Variants in CEP128 observed in about 807,000 individuals in gnomAD.
The protein encoded by CEP128 is centrosomal protein 128.
CEP128 carries 132 observed loss-of-function variants against 156.7 expected under a neutral mutation model. The ratio of observed to expected loss-of-function variants is 0.84; its 90% CI spans 0.73 to 0.97. The LOEUF is 0.97. CEP128 is among the 50% of genes least tolerant of loss of function. The pLI, the probability that CEP128 is intolerant of heterozygous loss-of-function variation, is 0.00. For missense variants in CEP128, 1,252 were observed against 1,281.9 expected (o/e 0.98, Z 0.36); for synonymous variants, 469 against 448.9 (o/e 1.04, Z -0.57).
chr14:80,949,813 G>A (rs1886423926), intron 2 of CEP128, among the ~76,000 whole-genome samples: 5 of 151,986 alleles, frequency 3.3e-5, no homozygotes, highest in African/African-American at 1.2e-4. Context: ...AAATTATCAG[G>A]CATACAAAGA....
At chr14:80,790,244 C>A (rs1162195931) in intron 14 of CEP128, among the ~76,000 whole-genome samples, 1 of 151,562 alleles carries the variant, frequency 6.6e-6, no homozygotes, top group Non-Finnish European at 1.5e-5. Flanking sequence ...ACAACAACAA[C>A]AACAAAAATC....
chr14:80,875,752 G>A (rs1450862484), intron 8 of CEP128, among the ~76,000 whole-genome samples: 1 of 152,106 alleles, frequency 6.6e-6, no homozygotes, highest in Non-Finnish European at 1.5e-5. Context: ...TTCTAGATGG[G>A]ATACTTTCAG....
At chr14:80,659,867 A>C (rs1187235619) in intron 19 of CEP128, among the ~76,000 whole-genome samples, 1 of 152,114 alleles carries the variant, frequency 6.6e-6, no homozygotes, top group African/African-American at 2.4e-5. Context: ...CAATTTCTCA[A>C]TTATCATGAC....
chr14:80,941,767 A>C (rs190341003), upstream of CEP128: 465 of 152,670 alleles, frequency 3.0e-3, 3 homozygotes, highest in Middle Eastern at 6.8e-3. Context: ...AGAGTACAGG[A>C]CCCCGCTGCC....
At chr14:80,886,290 A>T (rs192459370) in intron 8 of CEP128, among the ~76,000 whole-genome samples, 1 of 152,276 alleles carries the variant, frequency 6.6e-6, no homozygotes, top group East Asian at 1.9e-4. Flanking sequence ...CACCACTAAG[A>T]TACTCCTCGA....
intron 13 of CEP128, among the ~76,000 whole-genome samples, chr14:80,795,646 C>T (rs1883421538): frequency 6.6e-6 from 1 of 152,088 alleles, no homozygotes; most frequent in South Asian, 2.1e-4. Context: ...CTTCCACATG[C>T]CTCAACCCAG....
chr14:80,666,413 T>G (rs1342071261), intron 19 of CEP128, among the ~76,000 whole-genome samples: 2 of 152,036 alleles, frequency 1.3e-5, no homozygotes, highest in African/African-American at 4.8e-5. Context: ...CTTTAAGAAG[T>G]AGGAAAGGAC....
intron 8 of CEP128, among the ~76,000 whole-genome samples, chr14:80,886,667 G>A (rs764264610): frequency 1.3e-5 from 2 of 152,188 alleles, no homozygotes; most frequent in African/African-American, 4.8e-5. Context: ...ACCAGCCACT[G>A]CAAAAACATA....
rs1174988133 is a variant in CEP128, at chr14:80,792,883, C to T, written c.1437G>A (p.Arg479=). 9 of 1,614,058 alleles carry T rather than the reference C, an allele frequency of 5.6e-6. No homozygotes were observed. The highest frequency in any genetic ancestry group is 1.3e-5 in the African/African-American group (1 of 74,924). Residue 479 remains arginine (R), a synonymous_variant, in exon 14 of 25, where the codon AGG becomes AGA. Coordinates refer to ENST00000555265, the MANE Select transcript of CEP128 (RefSeq NM_152446.5). Reference sequence around the variant, plus strand: ...CTTGAGCTTTCAGTTTCAGGTCTTCCCTCCTCTTCTCCGCCTCCTCTTTCA... The same window carrying T: ...CTTGAGCTTTCAGTTTCAGGTCTTCTCTCCTCTTCTCCGCCTCCTCTTTCA... ...EALKEEAEKR[R]EDLKLKAQES...
chr14:80,481,190 C>G (rs1350831701), intron 14 of CEP128, among the ~76,000 whole-genome samples: 2 of 152,246 alleles, frequency 1.3e-5, no homozygotes, highest in African/African-American at 4.8e-5. Context: ...AGAGGTTTAA[C>G]TGGACTTACA....
intron 19 of CEP128, among the ~76,000 whole-genome samples, chr14:80,738,690 T>C (rs1898657996): frequency 6.6e-6 from 1 of 152,112 alleles, no homozygotes; most frequent in Non-Finnish European, 1.5e-5. Context: ...ATTGTTATAA[T>C]TGTTCTATTT....
intron 15 of CEP128, 120 bp downstream of exon 15, chr14:80,784,775 T>C (rs1379136279): frequency 1.1e-6 from 1 of 916,732 alleles, no homozygotes; most frequent in African/African-American, 1.7e-5. Flanking sequence ...TTATTGTTGG[T>C]TTTATCTTCC....
At chr14:80,926,794 AC>A (rs527590528) in intron 2 of CEP128, among the ~76,000 whole-genome samples, 177 of 152,244 alleles carry the variant, frequency 1.2e-3, no homozygotes, top group Non-Finnish European at 2.2e-3. Context: ...GAAGGAGAAA[AC>A]TTTTTGCATG....
chr14:80,580,842 C>G (rs1441686942), intron 19 of CEP128, among the ~76,000 whole-genome samples: 2 of 152,134 alleles, frequency 1.3e-5, no homozygotes, highest in South Asian at 4.1e-4. Context: ...TTAAAACAAG[C>G]TCCCAAGCCA....
intron 19 of CEP128, among the ~76,000 whole-genome samples, chr14:80,659,273 G>T (rs1337962993): frequency 6.6e-6 from 1 of 151,526 alleles, no homozygotes; most frequent in Middle Eastern, 3.2e-3. Flanking sequence ...CAGGAAAGGG[G>T]TCAAAAAAAA....
At chr14:80,796,667 TC>T (rs933382603) in intron 13 of CEP128, among the ~76,000 whole-genome samples, 1 of 152,146 alleles carries the variant, frequency 6.6e-6, no homozygotes, top group Admixed American at 6.5e-5. Context: ...TCTATAAAGT[TC>T]CAGTATTATG....
chr14:80,562,270 A>G (rs1191673317), intron 20 of CEP128, among the ~76,000 whole-genome samples: 1 of 152,158 alleles, frequency 6.6e-6, no homozygotes, highest in East Asian at 1.9e-4. Flanking sequence ...TGGTACTGAG[A>G]CAGCTTTCAA....
chr14:80,487,163 A>G (rs1337204658), downstream of CEP128, among the ~76,000 whole-genome samples: 1 of 152,122 alleles, frequency 6.6e-6, no homozygotes. Context: ...TAGGCTCAAA[A>G]TAAAGGGATA....
intron 21 of CEP128, among the ~76,000 whole-genome samples, chr14:80,555,181 GA>G (rs926854777): frequency 2.1e-4 from 32 of 151,968 alleles, no homozygotes; most frequent in Middle Eastern, 3.2e-3. Context: ...ACCGACAGGG[GA>G]AAAAAATGTG....
Sources: allele counts gnomAD v4.1 joint callset (sites outside exome capture counted in the v4.1 genomes callset), GRCh38; gene constraint gnomAD v4.1.1; transcripts MANE v1.5; gene names NCBI Gene and HGNC (gene_info 2026-07-23, HGNC 2026-07-21).